Variants in OXR1 observed in about 807,000 individuals in gnomAD.
OXR1 encodes the protein oxidation resistance 1, also known as oxidation resistance protein 1.
In OXR1, 41 loss-of-function variants were observed where a neutral mutation model predicts 104.6. The ratio of observed to expected loss-of-function variants is 0.39; its 90% CI spans 0.31 to 0.51. The LOEUF is 0.51. Among genes scored for constraint, OXR1 ranks in the 20% least tolerant of loss-of-function variants. The probability of loss-of-function intolerance (pLI) is 0.77; values close to 1 mark genes in which losing one functional copy is unlikely to be tolerated. For missense variants in OXR1, 955 were observed against 1,031.9 expected (o/e 0.93, Z 1.02); for synonymous variants, 348 against 348.4 (o/e 1.00, Z 0.01).
chr8:106,508,301 C>T (rs1018259327), intron 2 of OXR1, among the ~76,000 whole-genome samples: 2 of 152,190 alleles, frequency 1.3e-5, no homozygotes, highest in African/African-American at 4.8e-5. Context: ...TATAGAGTCA[C>T]TGCTGAGAAG....
At chr8:106,356,307 A>T (rs1367234466) in intron 1 of OXR1, among the ~76,000 whole-genome samples, 2 of 152,180 alleles carry the variant, frequency 1.3e-5, no homozygotes, top group East Asian at 3.8e-4. Context: ...ATGGATTTAC[A>T]ATTGCAAGTT....
At chr8:106,670,901 C>G (rs1218327288) in intron 3 of OXR1, among the ~76,000 whole-genome samples, 1 of 151,484 alleles carries the variant, frequency 6.6e-6, no homozygotes, top group African/African-American at 2.4e-5. Context: ...ATATAAAAAT[C>G]AGGCGTGGTG....
chr8:106,523,343 G>A (rs185650070), intron 3 of OXR1, among the ~76,000 whole-genome samples: 1 of 152,180 alleles, frequency 6.6e-6, no homozygotes, highest in African/African-American at 2.4e-5. Context: ...AGACCCTGGA[G>A]TTATGCAGGT....
At chr8:106,709,192 T>G (rs961031945) in intron 9 of OXR1, among the ~76,000 whole-genome samples, 6 of 152,142 alleles carry the variant, frequency 3.9e-5, no homozygotes, top group Non-Finnish European at 7.4e-5. Flanking sequence ...ATATCTGTCT[T>G]TCTTATAGAA....
intron 2 of OXR1, among the ~76,000 whole-genome samples, chr8:106,445,546 T>G (rs1487259084): frequency 6.6e-6 from 1 of 152,192 alleles, no homozygotes; most frequent in Non-Finnish European, 1.5e-5. Context: ...CATGCCTGTC[T>G]CCTATGCACG....
intron 3 of OXR1, among the ~76,000 whole-genome samples, chr8:106,617,812 C>T (rs10102200): frequency 0.16 from 25,060 of 152,108 alleles, 2,221 homozygotes; most frequent in East Asian, 0.38. Context: ...AGAAATTGTA[C>T]AGAGGCTAGA....
intron 2 of OXR1, chr8:106,447,854 T>C: frequency 1.4e-6 from 2 of 1,434,522 alleles, no homozygotes; most frequent in Non-Finnish European, 1.8e-6. Context: ...TCTTTTTGCC[T>C]TAGATGTTGG....
chr8:106,481,855 T>C (rs934065005), intron 2 of OXR1, among the ~76,000 whole-genome samples: 5 of 152,062 alleles, frequency 3.3e-5, no homozygotes, highest in Non-Finnish European at 7.4e-5. Flanking sequence ...CTAATAGTGA[T>C]GCAAATGAAT....
chr8:106,360,647 G>A (rs1347595813), intron 2 of OXR1, among the ~76,000 whole-genome samples: 1 of 151,604 alleles, frequency 6.6e-6, no homozygotes, highest in Non-Finnish European at 1.5e-5. Context: ...GAAAAAAAAA[G>A]CATTAAAGAA....
intron 2 of OXR1, among the ~76,000 whole-genome samples, chr8:106,477,330 T>C (rs552839608): frequency 3.3e-5 from 5 of 151,944 alleles, no homozygotes; most frequent in Non-Finnish European, 7.4e-5. Context: ...TAAGGCATAC[T>C]CAATACTTGC....
At chr8:106,522,091 T>G (rs529222350) in intron 3 of OXR1, among the ~76,000 whole-genome samples, 40 of 152,316 alleles carry the variant, frequency 2.6e-4, no homozygotes, top group African/African-American at 9.6e-4. Context: ...CTTAAAGGAT[T>G]TTCAAATAAA....
intron 2 of OXR1, among the ~76,000 whole-genome samples, chr8:106,390,949 G>A (rs1345622291): frequency 2.0e-5 from 3 of 152,092 alleles, no homozygotes; most frequent in Non-Finnish European, 4.4e-5. Flanking sequence ...CCCTGTGCCT[G>A]TAGGACTCAA....
intron 10 of OXR1, among the ~76,000 whole-genome samples, chr8:106,711,068 T>C (rs1283809911): frequency 6.6e-6 from 1 of 152,116 alleles, no homozygotes; most frequent in African/African-American, 2.4e-5. Flanking sequence ...CATCAAAATA[T>C]TATTTGATAT....
At chr8:106,431,043 A>G (rs953229887) in intron 2 of OXR1, among the ~76,000 whole-genome samples, 3 of 152,164 alleles carry the variant, frequency 2.0e-5, no homozygotes, top group South Asian at 4.1e-4. Context: ...TTCTACACAC[A>G]ACCCAGGGGA....
At chr8:106,657,744 G>C (rs1031770116) in intron 3 of OXR1, 2 of 841,910 alleles carry the variant, frequency 2.4e-6, no homozygotes, top group African/African-American at 1.8e-5. Flanking sequence ...GCATTTAGAA[G>C]CCACAAGAAA....
rs117828846 is a variant in OXR1 at position 106,611,178 on chromosome 8, C to T, written c.221-68032C>T. 3.2e-3 allele frequency among the ~76,000 whole-genome samples: 490 copies of T among 152,274 alleles called. 1 individual carries two copies. Among genetic ancestry groups the T allele is most frequent in the Non-Finnish European group, 5.2e-3 (356 of 68,020 alleles). ...AAAGAGGAGGTATGTAAGTTGGGAC[C>T]TAAATAGAATGGCAGAGCAAGGGCT... On this transcript the variant is annotated intron_variant, in intron 3 of 16. Transcript: ENST00000517566.
intron 3 of OXR1, among the ~76,000 whole-genome samples, chr8:106,553,139 G>A (rs927248208): frequency 2.0e-5 from 3 of 151,918 alleles, no homozygotes; most frequent in Admixed American, 6.6e-5. Context: ...CACCAGCATG[G>A]CACATGTATA....
intron 1 of OXR1, among the ~76,000 whole-genome samples, chr8:106,337,043 T>A (rs1476167366): frequency 6.6e-6 from 1 of 152,226 alleles, no homozygotes; most frequent in East Asian, 1.9e-4. Flanking sequence ...GTTTTCTAAT[T>A]GGGAAATATC....
intron 6 of OXR1, among the ~76,000 whole-genome samples, chr8:106,687,151 T>C (rs888394551): frequency 6.6e-6 from 1 of 152,128 alleles, no homozygotes; most frequent in Non-Finnish European, 1.5e-5. Flanking sequence ...TCTGGAGCAG[T>C]TGCAGAAGAT....
Sources: gnomAD v4.1 joint callset for allele counts (sites outside exome capture counted in the v4.1 genomes callset) on GRCh38, gnomAD v4.1.1 for gene constraint, MANE v1.5 for transcripts, NCBI Gene and HGNC (gene_info 2026-07-23, HGNC 2026-07-21) for gene names.